The following MALRD1 variants were observed in gnomAD, a reference collection of about 807,000 sequenced individuals.
MALRD1 encodes the protein MAM and LDL-receptor class A domain-containing protein 1.
Under a neutral mutation model 242.1 loss-of-function variants are expected in MALRD1, and 247 were observed. That is an observed-to-expected ratio of 1.02 (90% CI 0.92 to 1.13). MALRD1 has a LOEUF of 1.13. MALRD1 is among the 50% of genes most tolerant of loss of function. The pLI is 0.00. For synonymous variants in MALRD1, 995 were observed against 866.6 expected (o/e 1.15, Z -2.60); for missense variants, 2,989 against 2,533.1 (o/e 1.18, Z -3.86).
chr10:19,732,869 G>A (rs2131947293), intron 39 of MALRD1, among the ~76,000 whole-genome samples: 1 of 152,238 alleles, frequency 6.6e-6, no homozygotes, highest in Non-Finnish European at 1.5e-5. Context: ...TGGTGTAATG[G>A]ATGACTTGAG....
chr10:19,235,390 G>A lies in MALRD1; in HGVS notation c.2992-22294G>A, dbSNP rs72788022. Among the ~76,000 whole-genome samples the A allele has an allele frequency of 4.7e-5, 7 of 150,350 alleles. No individual in the cohort carries two copies. The South Asian group carries it at 6.3e-4, about 14-fold the overall frequency. ...TAGTAATTCTAAGCATTTTTTTTTC[G>A]TGTATTTGTTAGCCATTTGTATGTG... On this transcript the variant is annotated intron_variant, in intron 18 of 39. Transcript: ENST00000454679.
intron 28 of MALRD1, among the ~76,000 whole-genome samples, chr10:19,445,927 G>T (rs554576119): frequency 9.4e-4 from 143 of 152,288 alleles, no homozygotes; most frequent in African/African-American, 3.4e-3. Flanking sequence ...AGGCCTCCTT[G>T]AGCTGTGGTG....
intron 14 of MALRD1, among the ~76,000 whole-genome samples, chr10:19,193,484 G>A (rs1207087626): frequency 6.6e-6 from 1 of 152,168 alleles, no homozygotes; most frequent in African/African-American, 2.4e-5. Context: ...GAGCCTGGGA[G>A]GTTGAGGCTG....
At chr10:19,320,235 G>A (rs1157796687) in intron 21 of MALRD1, among the ~76,000 whole-genome samples, 1 of 151,372 alleles carries the variant, frequency 6.6e-6, no homozygotes, top group African/African-American at 2.4e-5. Context: ...CCTACCCCGC[G>A]ACAGGCCCCA....
At chr10:19,578,038 G>A (rs1314027058) in intron 33 of MALRD1, among the ~76,000 whole-genome samples, 1 of 152,072 alleles carries the variant, frequency 6.6e-6, no homozygotes, top group Non-Finnish European at 1.5e-5. Context: ...GAACACATAT[G>A]TTGTTTGCTG....
chr10:19,117,319 A>T lies in MALRD1; in HGVS notation c.695-6173A>T, dbSNP rs1018240491. ...TTTATGGTTGTAAATTCCAGTTTTC[A>T]GGCCAAAGGTAGTTAAAGTGGTAGA... On this transcript the variant is annotated intron_variant, in intron 5 of 39. Coordinates refer to ENST00000454679, the MANE Select transcript of MALRD1 (RefSeq NM_001142308.3). Among the ~76,000 whole-genome samples, 14 of 152,286 alleles carry T rather than the reference A, an allele frequency of 9.2e-5. 1 individual carries two copies. The highest frequency in any genetic ancestry group is 9.2e-4 in the Admixed American group (14 of 15,292).
chr10:19,316,237 A>T (rs766370646), intron 21 of MALRD1, among the ~76,000 whole-genome samples: 1 of 151,790 alleles, frequency 6.6e-6, no homozygotes, highest in Non-Finnish European at 1.5e-5. Context: ...CATACAGTTT[A>T]GTTAAAGACT....
intron 32 of MALRD1, among the ~76,000 whole-genome samples, chr10:19,554,764 G>A (rs1011519892): frequency 6.6e-6 from 1 of 152,090 alleles, no homozygotes; most frequent in East Asian, 1.9e-4. Flanking sequence ...TGGTGTATAT[G>A]CACCACATTT....
rs1220174603 is a variant in MALRD1 at position 19,499,462 on chromosome 10, AC to A, written c.5320+818del. On this transcript the variant is annotated intron_variant, in intron 31 of 39. Transcript: ENST00000454679. ...CCTGAATAGAAAAAAAAAAAAAAAA[AC>A]CAGCCTATGCAGCAAGAAGGATCCC... is the stretch of plus-strand genomic sequence containing the variant. 3.8e-3 allele frequency among the ~76,000 whole-genome samples: 571 copies of A among 151,396 alleles called. 5 individuals are homozygous for A. The highest frequency in any genetic ancestry group is 0.013 in the African/African-American group (551 of 41,298).
intron 26 of MALRD1, among the ~76,000 whole-genome samples, chr10:19,374,125 C>T (rs7918963): frequency 0.64 from 97,260 of 152,060 alleles, 31,566 homozygotes; most frequent in African/African-American, 0.75. Context: ...ACTTTTTTAA[C>T]GTTTTCAATG....
At chr10:19,515,291 A>G (rs1358389169) in intron 31 of MALRD1, among the ~76,000 whole-genome samples, 1 of 152,170 alleles carries the variant, frequency 6.6e-6, no homozygotes, top group African/African-American at 2.4e-5. Flanking sequence ...GAAGCAAACA[A>G]CTGAGCTATA....
In MALRD1 at chr10:19,205,280, G is replaced by A; in HGVS notation, c.2578+15G>A. 5 of 1,523,156 alleles carry A rather than the reference G, an allele frequency of 3.3e-6. No individual in the cohort carries two copies. The highest frequency in any genetic ancestry group is 3.5e-6 in the Non-Finnish European group (4 of 1,135,482). The allele number at this position is 1,523,156 out of a possible 1,614,324, so 94.4% of individuals were successfully genotyped here. Reference sequence around the variant, plus strand: ...AGTCAACTGTGGTAAGTTCTTTTTGGTTGGGGGATTCTCTTTCTCATTTTG... The same window carrying A: ...AGTCAACTGTGGTAAGTTCTTTTTGATTGGGGGATTCTCTTTCTCATTTTG... On this transcript the variant is annotated intron_variant, in intron 17 of 39. Coordinates refer to ENST00000454679, the MANE Select transcript of MALRD1 (RefSeq NM_001142308.3).
intron 38 of MALRD1, among the ~76,000 whole-genome samples, chr10:19,719,970 T>G (rs1291003754): frequency 6.6e-6 from 1 of 152,134 alleles, no homozygotes; most frequent in African/African-American, 2.4e-5. Flanking sequence ...TTTATGGGAG[T>G]GTACACTCAA....
At chr10:19,238,398 T>TAC (rs1838528012) in intron 18 of MALRD1, among the ~76,000 whole-genome samples, 1 of 85,348 alleles carries the variant, frequency 1.2e-5, no homozygotes, top group Non-Finnish European at 2.2e-5. Context: ...ATATATGTTA[T>TAC]ATATTATGTA....
At chr10:19,623,655 C>A (rs2131629537) in intron 36 of MALRD1, among the ~76,000 whole-genome samples, 1 of 152,244 alleles carries the variant, frequency 6.6e-6, no homozygotes, top group Non-Finnish European at 1.5e-5. Flanking sequence ...GACTGACAAC[C>A]AAGACCTCTG....
chr10:19,095,701 T>A (rs1051197453), intron 4 of MALRD1, among the ~76,000 whole-genome samples: 2 of 152,172 alleles, frequency 1.3e-5, no homozygotes, highest in African/African-American at 4.8e-5. Flanking sequence ...GTATGCAGAA[T>A]GAGTACCCCC....
intron 13 of MALRD1, among the ~76,000 whole-genome samples, chr10:19,174,799 A>C (rs74118821): frequency 6.6e-6 from 1 of 152,038 alleles, no homozygotes; most frequent in Non-Finnish European, 1.5e-5. Flanking sequence ...TATAATATTT[A>C]AATATTTTAA....
intron 18 of MALRD1, among the ~76,000 whole-genome samples, chr10:19,251,951 G>A (rs2131787692): frequency 6.6e-6 from 1 of 151,998 alleles, no homozygotes; most frequent in East Asian, 1.9e-4. Flanking sequence ...AGCCATGTAG[G>A]AAATGCTGGC....
intron 23 of MALRD1, among the ~76,000 whole-genome samples, chr10:19,328,645 A>G (rs945602893): frequency 3.3e-5 from 5 of 152,294 alleles, no homozygotes; most frequent in Admixed American, 6.5e-5. Context: ...CCATTGTATA[A>G]AAGCACTGAA....
Sources: allele counts gnomAD v4.1 joint callset (sites outside exome capture counted in the v4.1 genomes callset), GRCh38; gene constraint gnomAD v4.1.1; transcripts MANE v1.5; gene names NCBI Gene and HGNC (gene_info 2026-07-23, HGNC 2026-07-21).